Variants in CCPG1 observed in about 807,000 individuals in gnomAD.
CCPG1 encodes the protein cell cycle progression 1.
A neutral mutation model predicts 81.3 loss-of-function variants in CCPG1; 46 were observed. That is an observed-to-expected ratio of 0.57 (90% CI 0.45 to 0.72). The LOEUF (loss-of-function observed/expected upper bound fraction) is 0.72. CCPG1 is among the 30% of genes least tolerant of loss of function. CCPG1 has a pLI of 0.00. For missense variants in CCPG1, 902 were observed against 937.6 expected (o/e 0.96, Z 0.50); for synonymous variants, 330 against 305.2 (o/e 1.08, Z -0.85).
chr15:55,376,912 G>A (rs559009545), intron 5 of CCPG1, 37 bp downstream of exon 5: 15 of 1,460,534 alleles, frequency 1.0e-5, no homozygotes, highest in Admixed American at 5.2e-5. Flanking sequence ...AAATGTGGTC[G>A]TACATGTCTT....
chr15:55,368,804 T>C (rs574167304), intron 6 of CCPG1, among the ~76,000 whole-genome samples: 4 of 152,186 alleles, frequency 2.6e-5, no homozygotes, highest in Admixed American at 6.5e-5. Context: ...ATTAGTAATA[T>C]GGTATTGTTA....
chr15:55,373,505 A>T (rs2056497219), intron 5 of CCPG1, among the ~76,000 whole-genome samples: 1 of 152,230 alleles, frequency 6.6e-6, no homozygotes, highest in Admixed American at 6.5e-5. Context: ...GCACTACTGA[A>T]ATGAATGAAT....
intron 1 of CCPG1, among the ~76,000 whole-genome samples, chr15:55,393,528 A>T (rs893653766): frequency 6.6e-6 from 1 of 152,220 alleles, no homozygotes; most frequent in Non-Finnish European, 1.5e-5. Flanking sequence ...TCCATGAAAA[A>T]TATGAGCATC....
At position 55,378,213 on chromosome 15, in the gene CCPG1, T is replaced by C. The variant is rs2056606125; in HGVS notation, c.252+87A>G. 1.0e-5 allele frequency: 8 copies of C among 775,390 alleles called. No homozygotes were observed. In the Admixed American group the frequency reaches 1.8e-4, roughly 17 times the overall value. The allele number at this position is 775,390 out of a possible 1,614,324, so 48.0% of individuals were successfully genotyped here. ...AATTGCTTATAATTCAAAATAGGAA[T>C]AGAATGCATAAATAGAATTAGAGGC... On this transcript the variant is annotated intron_variant, in intron 4 of 8. Coordinates refer to ENST00000442196, the MANE Select transcript of CCPG1 (RefSeq NM_001204450.2).
At position 55,360,846 on chromosome 15, in the gene CCPG1, A is replaced by G. The variant is rs753885116; in HGVS notation, c.927T>C (p.Tyr309=). 24 of 1,610,348 alleles carry G rather than the reference A, an allele frequency of 1.5e-5. No homozygotes were observed. The South Asian group carries it at 1.9e-4, about 13-fold the overall frequency. Residue 309 remains tyrosine, a synonymous_variant, in exon 8 of 9, where the codon TAT becomes TAC. Coordinates refer to ENST00000442196, the MANE Select transcript of CCPG1 (RefSeq NM_001204450.2). The part of the protein sequence containing the change: ...QKTNLATENQ[Y]LRVSLEKEEK... ...CTTCCTTCTCCAAGGATACTCTTAA[A>G]TACTGATTTTCTGTAGCAAGGTTCG... is the stretch of plus-strand genomic sequence containing the variant.
Position 55,359,932 on chromosome 15 carries a change from G to A in CCPG1, c.1841C>T (p.Pro614Leu). The change falls in exon 8 of 9, where the codon CCT becomes CTT. Residue 614 changes from proline (P) to leucine (L), a missense_variant. Around this residue, in one of 3 missense-constraint regions of CCPG1, gnomAD observed 746 missense variants for 728.6 expected, o/e 1.02. Coordinates refer to ENST00000442196, the MANE Select transcript of CCPG1 (RefSeq NM_001204450.2). ...AGAATTTTCTCTACAATCATGCCCAGGACTGCATTTCTTTGAATTTGTATT... is the reference window on the plus strand; with the variant it reads ...AGAATTTTCTCTACAATCATGCCCAAGACTGCATTTCTTTGAATTTGTATT... ...RKNTNSKKCS[P>L]GHDCRENSHS... is the part of the protein sequence containing the mutation. 6.2e-7 allele frequency: 1 copy of A among 1,613,432 alleles called. No homozygotes were observed. Among genetic ancestry groups the A allele is most frequent in the Non-Finnish European group, 8.5e-7 (1 of 1,179,916 alleles).
intron 6 of CCPG1, among the ~76,000 whole-genome samples, chr15:55,366,009 G>A (rs927154810): frequency 5.9e-5 from 9 of 152,056 alleles, no homozygotes; most frequent in African/African-American, 2.2e-4. Flanking sequence ...GGTGGTGAAC[G>A]TTAACGTAAT....
At chr15:55,392,954 A>G (rs1307351384) in intron 1 of CCPG1, among the ~76,000 whole-genome samples, 1 of 152,212 alleles carries the variant, frequency 6.6e-6, no homozygotes, top group African/African-American at 2.4e-5. Flanking sequence ...AATACAAAAA[A>G]TTAGCCGGGC....
chr15:55,359,224 T>C, intron 8 of CCPG1: 3 of 1,030,156 alleles, frequency 2.9e-6, no homozygotes, highest in Non-Finnish European at 3.5e-6. Context: ...CTTAAGGTGA[T>C]CTTTTCATAT....
At chr15:55,390,052 T>A (rs543703124) in intron 1 of CCPG1, among the ~76,000 whole-genome samples, 1 of 152,084 alleles carries the variant, frequency 6.6e-6, no homozygotes, top group African/African-American at 2.4e-5. Context: ...GCCTCCCGAG[T>A]AGCTGGGACT....
intron 5 of CCPG1, among the ~76,000 whole-genome samples, chr15:55,375,131 A>G (rs2056536811): frequency 6.6e-6 from 1 of 152,246 alleles, no homozygotes; most frequent in Non-Finnish European, 1.5e-5. Context: ...AATCTCAAGA[A>G]GTCAGAATTC....
intron 3 of CCPG1, among the ~76,000 whole-genome samples, chr15:55,381,820 G>GGTGCAATACAGTAGTCAA (rs147362640): frequency 1.3e-5 from 2 of 151,842 alleles, no homozygotes; most frequent in Non-Finnish European, 2.9e-5. Flanking sequence ...ACATAATACA[G>GGTGCAATACAGTAGTCAA]ATTCCATTTT....
rs2056458352 is a variant in CCPG1, at chr15:55,371,960, G to A, written c.539C>T (p.Ala180Val). ...QPSPAFRRRR[A>V]RKKTVSASES... ...TGAAGCAGAAACGGTCTTCTTCCTA[G>A]CACGGCGTCGTCTAAAGGCAGGACT... Residue 180 changes from alanine (A) to valine (V), a missense_variant, in exon 6 of 9, where the codon GCT (alanine) becomes GTT (valine). Ala to Val is a moderately conservative substitution (Grantham distance 64, BLOSUM62 0). Around this residue, in one of 3 missense-constraint regions of CCPG1, gnomAD observed 746 missense variants for 728.6 expected, o/e 1.02. Coordinates refer to ENST00000442196, the MANE Select transcript of CCPG1 (RefSeq NM_001204450.2). 1.9e-6 allele frequency: 3 copies of A among 1,614,020 alleles called. No individual in the cohort carries two copies. The highest frequency in any genetic ancestry group is 2.5e-6 in the Non-Finnish European group (3 of 1,180,018).
chr15:55,405,082 CA>C (rs530322083), intron 1 of CCPG1, among the ~76,000 whole-genome samples: 11 of 152,128 alleles, frequency 7.2e-5, no homozygotes, highest in African/African-American at 1.4e-4. Context: ...AAAATTAGGT[CA>C]GGGGCAGTGG....
At chr15:55,374,818 A>T (rs1003338158) in intron 5 of CCPG1, among the ~76,000 whole-genome samples, 1 of 152,062 alleles carries the variant, frequency 6.6e-6, no homozygotes, top group Admixed American at 6.6e-5. Context: ...CTGGGATTAC[A>T]GGCACCTGGC....
At chr15:55,380,655 C>T (rs113655239) in intron 3 of CCPG1, among the ~76,000 whole-genome samples, 27,057 of 151,848 alleles carry the variant, frequency 0.18, 4,182 homozygotes, top group African/African-American at 0.42. Flanking sequence ...AAATATTTTT[C>T]AGCATTATAT....
chr15:55,355,393 G>T lies in CCPG1; in HGVS notation c.*827C>A, dbSNP rs565194380. 1.2e-6 allele frequency: 2 copies of T among 1,609,254 alleles called. No individual in the cohort carries two copies. The highest frequency in any genetic ancestry group is 8.5e-7 in the Non-Finnish European group (1 of 1,177,750). On this transcript the variant is annotated 3_prime_UTR_variant, in exon 9 of 9. Coordinates refer to ENST00000442196, the MANE Select transcript of CCPG1 (RefSeq NM_001204450.2). ...GAAGTCACATATATGTCTATGAACGGAAGTTAAAAGGGAAATTCAACATGA... is the reference window on the plus strand; with the variant it reads ...GAAGTCACATATATGTCTATGAACGTAAGTTAAAAGGGAAATTCAACATGA...
At chr15:55,397,938 C>T (rs1282794230) in intron 1 of CCPG1, among the ~76,000 whole-genome samples, 1 of 151,456 alleles carries the variant, frequency 6.6e-6, no homozygotes, top group Non-Finnish European at 1.5e-5. Flanking sequence ...GACTATGCCA[C>T]GGCACTCCAG....
rs1429620260 is a variant in CCPG1 at position 55,376,348 on chromosome 15, TGA to T, written c.454+599_454+600del. Among the ~76,000 whole-genome samples the T allele has an allele frequency of 2.6e-5, 4 of 152,208 alleles. No homozygotes were observed. The East Asian group carries it at 7.7e-4, about 29-fold the overall frequency. On this transcript the variant is annotated intron_variant, in intron 5 of 8. Coordinates refer to ENST00000442196, the MANE Select transcript of CCPG1 (RefSeq NM_001204450.2). Reference sequence around the variant, plus strand: ...AGCAACTCACACTTTAATCTCTGAATGAGTCTGTCTGTACAACGGGCATTGAT... The same window carrying T: ...AGCAACTCACACTTTAATCTCTGAATGTCTGTCTGTACAACGGGCATTGAT...
Sources: allele counts gnomAD v4.1 joint callset (sites outside exome capture counted in the v4.1 genomes callset), GRCh38; gene constraint gnomAD v4.1.1; regional missense constraint gnomAD v4.1.1; transcripts MANE v1.5; gene names NCBI Gene and HGNC (gene_info 2026-07-23, HGNC 2026-07-21).